The following ARHGAP44 variants were observed in gnomAD, a reference collection of about 807,000 sequenced individuals.
ARHGAP44 encodes the protein Rho GTPase activating protein 44.
Under a neutral mutation model 106.8 loss-of-function variants are expected in ARHGAP44, and 43 were observed. The observed-to-expected ratio is 0.40, with a 90% CI of 0.32 to 0.52. The LOEUF (loss-of-function observed/expected upper bound fraction) is 0.52, where lower values mean the gene tolerates loss of function less well. Ranked by LOEUF, ARHGAP44 falls within the 20% of genes least tolerant of loss-of-function variation. The pLI is 0.48. For synonymous variants in ARHGAP44, 439 were observed against 410.3 expected, an observed-to-expected ratio of 1.07 and a Z score of -0.85; for missense variants, 866 against 1,050.5, an observed-to-expected ratio of 0.82 and a Z score of 2.43.
intron 1 of ARHGAP44, among the ~76,000 whole-genome samples, chr17:12,804,294 A>C (rs2034207403): frequency 6.6e-6 from 1 of 152,176 alleles, no homozygotes; most frequent in Admixed American, 6.5e-5. Flanking sequence ...GACCATTAAC[A>C]CATGCTGGAG....
chr17:12,836,669 GAAAA>G (rs994520027), intron 1 of ARHGAP44, among the ~76,000 whole-genome samples: 2 of 149,420 alleles, frequency 1.3e-5, no homozygotes, highest in African/African-American at 4.9e-5. Context: ...AAAAAGAAAA[GAAAA>G]AAAAGAAAGA....
rs374623271 is a variant in ARHGAP44 at position 12,951,683 on chromosome 17, A to G, written c.1056-818A>G. On this transcript the variant is annotated intron_variant, in intron 12 of 20. Transcript: ENST00000379672. ...TGTCTTTGAACCAGGGAAAAACAAG[A>G]ACCTGTTTCTACCACTGGATGACAT... Among the ~76,000 whole-genome samples, 18 of 152,284 alleles carry G rather than the reference A, an allele frequency of 1.2e-4. No individual in the cohort carries two copies. In the East Asian group the frequency reaches 3.1e-3, roughly 26 times the overall value.
chr17:12,915,196 G>T (rs2037870642), intron 4 of ARHGAP44, among the ~76,000 whole-genome samples: 1 of 152,170 alleles, frequency 6.6e-6, no homozygotes, highest in Admixed American at 6.5e-5. Flanking sequence ...GTACCACCAT[G>T]CCCAGCTGAG....
intron 7 of ARHGAP44, chr17:12,929,516 A>G (rs1449133697): frequency 6.5e-6 from 1 of 153,908 alleles, no homozygotes; most frequent in African/African-American, 2.4e-5. Context: ...AATGCTAGCC[A>G]TGAAAAGAGT....
At chr17:12,931,005 T>C (rs2038382027) in intron 7 of ARHGAP44, among the ~76,000 whole-genome samples, 1 of 152,352 alleles carries the variant, frequency 6.6e-6, no homozygotes, top group East Asian at 1.9e-4. Context: ...TCCAGACTTT[T>C]CTTCATAATC....
intron 1 of ARHGAP44, among the ~76,000 whole-genome samples, chr17:12,870,153 A>G (rs2036369577): frequency 6.7e-6 from 1 of 149,528 alleles, no homozygotes; most frequent in Admixed American, 6.7e-5. Flanking sequence ...GGCTCCAGAG[A>G]TCCTCCCACC....
At chr17:12,901,584 T>C (rs2037377047) in intron 3 of ARHGAP44, among the ~76,000 whole-genome samples, 1 of 151,998 alleles carries the variant, frequency 6.6e-6, no homozygotes, top group Admixed American at 6.6e-5. Context: ...GCTTGGTAAC[T>C]GAGTGGATGT....
At chr17:12,931,675 T>G (rs1329764988) in intron 7 of ARHGAP44, among the ~76,000 whole-genome samples, 2 of 151,668 alleles carry the variant, frequency 1.3e-5, no homozygotes, top group African/African-American at 4.8e-5. Context: ...TTTTTTGTAT[T>G]TTTTTAGTAG....
chr17:12,855,154 G>A (rs1244393117), intron 1 of ARHGAP44, among the ~76,000 whole-genome samples: 1 of 151,892 alleles, frequency 6.6e-6, no homozygotes, highest in Non-Finnish European at 1.5e-5. Context: ...ATTTCACCTC[G>A]AGCTTTATAA....
At chr17:12,951,210 C>T (rs1199836026) in intron 12 of ARHGAP44, among the ~76,000 whole-genome samples, 2 of 152,098 alleles carry the variant, frequency 1.3e-5, no homozygotes, top group Non-Finnish European at 2.9e-5. Context: ...TTGTTTTAAG[C>T]TCATTGTGTG....
intron 10 of ARHGAP44, among the ~76,000 whole-genome samples, chr17:12,948,507 T>C (rs1305248818): frequency 6.6e-6 from 1 of 152,004 alleles, no homozygotes; most frequent in East Asian, 1.9e-4. Flanking sequence ...CCATCTCTTC[T>C]AAAAATACAA....
At chr17:12,808,152 C>T (rs938902465) in intron 1 of ARHGAP44, among the ~76,000 whole-genome samples, 7 of 152,230 alleles carry the variant, frequency 4.6e-5, no homozygotes, top group African/African-American at 1.7e-4. Context: ...GCAGCTCCGC[C>T]CTTGTGGATT....
chr17:12,874,434 A>G (rs1426402631), intron 1 of ARHGAP44, among the ~76,000 whole-genome samples: 1 of 152,172 alleles, frequency 6.6e-6, no homozygotes, highest in Non-Finnish European at 1.5e-5. Context: ...AAGAGAGGGC[A>G]TTAAAAGCAG....
rs1273152669 is a variant in ARHGAP44, at chr17:12,966,160, A to AC, written c.1524-7142_1524-7141insC. Among the ~76,000 whole-genome samples, 505 of 152,084 alleles carry AC rather than the reference A, an allele frequency of 3.3e-3. 2 individuals are homozygous for AC. The highest frequency in any genetic ancestry group is 0.011 in the African/African-American group (460 of 41,422). ...GACATAGTGACACGCTGTCTCAAAA[A>AC]AAAAAAAAAAAATCCTTGAAAGAGA... On this transcript the variant is annotated intron_variant, in intron 16 of 20. Coordinates refer to ENST00000379672, the MANE Select transcript of ARHGAP44 (RefSeq NM_014859.6).
At chr17:12,802,093 G>GATAA (rs2150764476) in intron 1 of ARHGAP44, among the ~76,000 whole-genome samples, 2 of 152,234 alleles carry the variant, frequency 1.3e-5, no homozygotes, top group Admixed American at 1.3e-4. Flanking sequence ...CATTTTCTAG[G>GATAA]ATAAACTAGT....
chr17:12,890,312 C>G (rs1218813048), intron 1 of ARHGAP44, among the ~76,000 whole-genome samples: 1 of 152,058 alleles, frequency 6.6e-6, no homozygotes, highest in Non-Finnish European at 1.5e-5. Flanking sequence ...AGTTTTGTAC[C>G]CCTGTCTCCA....
chr17:12,822,274 A>G (rs535435792), intron 1 of ARHGAP44, among the ~76,000 whole-genome samples: 2 of 152,202 alleles, frequency 1.3e-5, no homozygotes, highest in African/African-American at 2.4e-5. Flanking sequence ...TTTGAATTTC[A>G]TGTAATTTTC....
chr17:12,953,079 T>A (rs2039037834), intron 13 of ARHGAP44, among the ~76,000 whole-genome samples: 1 of 152,176 alleles, frequency 6.6e-6, no homozygotes, highest in Non-Finnish European at 1.5e-5. Flanking sequence ...GACAGGTAGG[T>A]GTTGGTGGAC....
intron 1 of ARHGAP44, among the ~76,000 whole-genome samples, chr17:12,870,917 T>C (rs186657267): frequency 1.2e-4 from 18 of 152,336 alleles, no homozygotes; most frequent in Non-Finnish European, 1.8e-4. Flanking sequence ...ACTCTTCTAC[T>C]CTTTTCTTTC....
Sources: allele counts gnomAD v4.1 joint callset (sites outside exome capture counted in the v4.1 genomes callset), GRCh38; gene constraint gnomAD v4.1.1; transcripts MANE v1.5; gene names NCBI Gene and HGNC (gene_info 2026-07-23, HGNC 2026-07-21).